Variants in ARHGAP17 observed in about 807,000 individuals in gnomAD.
ARHGAP17 encodes the protein Rho GTPase activating protein 17, also known as rho GTPase-activating protein 17.
In ARHGAP17, 57 loss-of-function variants were observed where a neutral mutation model predicts 99.5. The observed-to-expected ratio is 0.57, with a 90% CI of 0.46 to 0.71. ARHGAP17 has a LOEUF of 0.71. ARHGAP17 is among the 30% of genes least tolerant of loss of function. The pLI, the probability that ARHGAP17 is intolerant of heterozygous loss-of-function variation, is 0.00. For synonymous variants in ARHGAP17, 417 were observed against 429.6 expected (o/e 0.97, Z 0.36); for missense variants, 1,000 against 1,122.4 (o/e 0.89, Z 1.56).
At position 25,015,266 on chromosome 16, in the gene ARHGAP17, G is replaced by A. The variant is rs2053756222; in HGVS notation, c.-5C>T. 3 of 1,341,864 alleles carry A rather than the reference G, an allele frequency of 2.2e-6. No individual in the cohort carries two copies. The highest frequency in any genetic ancestry group is 3.9e-5 in the South Asian group (2 of 50,836). 83.1% of individuals were successfully genotyped at this position (1,341,864 alleles called of 1,614,324 possible). A position where few individuals can be genotyped will look rare whatever the true frequency, so the allele number is the denominator to read the frequency against. ...GCGGTTGAACTGCTTCTTCATGGCGGCGGTGGCGGCGGCGGCCCGCGGGGC... is the reference window on the plus strand; with the variant it reads ...GCGGTTGAACTGCTTCTTCATGGCGACGGTGGCGGCGGCGGCCCGCGGGGC... On this transcript the variant is annotated 5_prime_UTR_variant, in exon 1 of 20. Transcript: ENST00000289968.
At chr16:25,005,009 G>A (rs2053468583) in intron 1 of ARHGAP17, among the ~76,000 whole-genome samples, 1 of 152,192 alleles carries the variant, frequency 6.6e-6, no homozygotes, top group Admixed American at 6.5e-5. Flanking sequence ...CGGCCTCCTG[G>A]GTCCAAGCCA....
chr16:24,990,477 T>C (rs2053005628), intron 1 of ARHGAP17, among the ~76,000 whole-genome samples: 1 of 149,404 alleles, frequency 6.7e-6, no homozygotes, highest in Non-Finnish European at 1.5e-5. Flanking sequence ...CAAAGCAAGA[T>C]CTTGTCTCAA....
intron 6 of ARHGAP17, among the ~76,000 whole-genome samples, chr16:24,966,630 TAA>T (rs963581875): frequency 2.1e-5 from 3 of 141,992 alleles, no homozygotes. Context: ...GACTCCATCT[TAA>T]AAAAAAAAAA....
chr16:25,000,247 A>C (rs1477242929), intron 1 of ARHGAP17, among the ~76,000 whole-genome samples: 1 of 152,238 alleles, frequency 6.6e-6, no homozygotes, highest in Non-Finnish European at 1.5e-5. Context: ...TAATTTGATG[A>C]TCATCAAATC....
At chr16:24,920,293 T>C (rs746374576) in intron 19 of ARHGAP17, 33 bp from the exon 20 acceptor site, 2 of 1,612,286 alleles carry the variant, frequency 1.2e-6, no homozygotes, top group Non-Finnish European at 1.7e-6. Context: ...ATGGTATCAA[T>C]GAGGGGTAAC....
intron 1 of ARHGAP17, among the ~76,000 whole-genome samples, chr16:24,980,896 T>C (rs765876594): frequency 6.6e-6 from 1 of 152,142 alleles, no homozygotes; most frequent in Non-Finnish European, 1.5e-5. Context: ...CTTCTGTAAG[T>C]ACGAGTATAC....
At chr16:24,997,509 T>G (rs1271531319) in intron 1 of ARHGAP17, among the ~76,000 whole-genome samples, 1 of 152,132 alleles carries the variant, frequency 6.6e-6, no homozygotes, top group African/African-American at 2.4e-5. Flanking sequence ...CTGGCTGCAG[T>G]GTGGAATATG....
At chr16:24,954,180 T>C (rs2051733741) in intron 10 of ARHGAP17, among the ~76,000 whole-genome samples, 1 of 152,106 alleles carries the variant, frequency 6.6e-6, no homozygotes, top group South Asian at 2.1e-4. Context: ...AAGAATCCTG[T>C]AAAATTAAGT....
intron 19 of ARHGAP17, among the ~76,000 whole-genome samples, chr16:24,928,666 G>C (rs1323432142): frequency 1.3e-5 from 2 of 152,136 alleles, no homozygotes; most frequent in East Asian, 3.8e-4. Flanking sequence ...GTCTTACTCA[G>C]ACCTAAGCTG....
At chr16:24,930,334 T>C (rs2050948591) in intron 19 of ARHGAP17, among the ~76,000 whole-genome samples, 1 of 152,260 alleles carries the variant, frequency 6.6e-6, no homozygotes, top group Non-Finnish European at 1.5e-5. Context: ...TTAGAAGTAC[T>C]GTTTAAGCAT....
intron 1 of ARHGAP17, among the ~76,000 whole-genome samples, chr16:25,005,010 G>A (rs956093164): frequency 3.0e-4 from 46 of 152,330 alleles, no homozygotes; most frequent in African/African-American, 1.1e-3. Context: ...GGCCTCCTGG[G>A]TCCAAGCCAT....
At chr16:24,994,101 G>A (rs1292946612) in intron 1 of ARHGAP17, among the ~76,000 whole-genome samples, 3 of 152,222 alleles carry the variant, frequency 2.0e-5, no homozygotes, top group Middle Eastern at 3.4e-3. Context: ...CATGCTTAGC[G>A]TGGTGCACAA....
intron 19 of ARHGAP17, among the ~76,000 whole-genome samples, chr16:24,928,596 G>T (rs1172176434): frequency 6.6e-6 from 1 of 152,068 alleles, no homozygotes; most frequent in Non-Finnish European, 1.5e-5. Flanking sequence ...AATCGCACCC[G>T]GGCCTCCTCC....
At position 24,955,007 on chromosome 16, in the gene ARHGAP17, A is replaced by G; in HGVS notation, c.725-277T>C. 1 of 391,270 alleles carries G rather than the reference A, an allele frequency of 2.6e-6. No homozygotes were observed. Among genetic ancestry groups the G allele is most frequent in the Non-Finnish European group, 4.6e-6 (1 of 217,704 alleles). The allele number at this position is 391,270 out of a possible 1,614,324, so 24.2% of individuals were successfully genotyped here. A position where few individuals can be genotyped will look rare whatever the true frequency, so the allele number is the denominator to read the frequency against. On this transcript the variant is annotated intron_variant, in intron 9 of 19. Transcript: ENST00000289968. The surrounding 1 kb of genome is among the most constrained non-coding windows in gnomAD (Gnocchi z 4.0). ...AGCTGCAGTGGCACGCTGCACCTGC[A>G]CCACACTTCATCAACACACGCCAGC...
intron 1 of ARHGAP17, among the ~76,000 whole-genome samples, chr16:25,005,753 T>C (rs536297455): frequency 1.3e-5 from 2 of 152,378 alleles, no homozygotes; most frequent in African/African-American, 4.8e-5. Flanking sequence ...CACATTCATT[T>C]TGAACTTAGT....
intron 9 of ARHGAP17, 101 bp from the exon 10 acceptor site, chr16:24,954,831 G>T: frequency 6.7e-7 from 1 of 1,497,126 alleles, no homozygotes; most frequent in Non-Finnish European, 9.1e-7. Flanking sequence ...CCGACTGGTA[G>T]GTGAGGCTGT....
At chr16:24,979,133 G>A in intron 1 of ARHGAP17, 128 bp from the exon 2 acceptor site, 2 of 643,364 alleles carry the variant, frequency 3.1e-6, no homozygotes, top group African/African-American at 1.9e-5. Context: ...GTTGGCAGGG[G>A]CAGTTTACCA....
Position 24,947,466 on chromosome 16 carries a change from G to A in ARHGAP17, c.1241+16C>T, listed in dbSNP as rs755566334. ...GGAAAGAAGAAATTCAAATGATACA[G>A]AGAAAGATGACTTACCCTTCATTTC... On this transcript the variant is annotated intron_variant, in intron 14 of 19. Transcript: ENST00000289968. 33 of 1,598,780 alleles carry A rather than the reference G, an allele frequency of 2.1e-5. No homozygotes were observed. Among genetic ancestry groups the A allele is most frequent in the Non-Finnish European group, 2.7e-5 (32 of 1,167,522 alleles).
At chr16:25,007,960 C>T (rs1471054495) in intron 1 of ARHGAP17, among the ~76,000 whole-genome samples, 4 of 152,164 alleles carry the variant, frequency 2.6e-5, no homozygotes, top group East Asian at 3.8e-4. Flanking sequence ...TCACTGCAGT[C>T]CCCACATTCC....
Sources: gnomAD v4.1 joint callset for allele counts (sites outside exome capture counted in the v4.1 genomes callset) on GRCh38, gnomAD v4.1.1 for gene constraint, Gnocchi (gnomAD v3.1) non-coding constraint, MANE v1.5 for transcripts, NCBI Gene and HGNC (gene_info 2026-07-23, HGNC 2026-07-21) for gene names.